Variants in TECPR1 observed in about 807,000 individuals in gnomAD.
TECPR1 encodes tectonin beta-propeller repeat-containing protein 1.
Under a neutral mutation model 162.4 loss-of-function variants are expected in TECPR1, and 122 were observed. That is an observed-to-expected ratio of 0.75 (90% CI 0.65 to 0.87). TECPR1 has a LOEUF of 0.87. Ranked by LOEUF, TECPR1 falls within the 40% of genes least tolerant of loss-of-function variation. The pLI is 0.00. For synonymous variants in TECPR1, 642 were observed against 670.6 expected (o/e 0.96, Z 0.66); for missense variants, 1,432 against 1,618.2 (o/e 0.88, Z 1.97).
In TECPR1 at chr7:98,217,495, C is replaced by T. The variant is rs1798041612; in HGVS notation, c.3393G>A (p.Trp1131Ter). The change falls in exon 26 of 26, where the codon TGG (tryptophan) becomes TGA (stop). Residue 1131 changes from tryptophan to a stop codon, truncating the protein, a stop_gained. Transcript: ENST00000447648. LOFTEE classifies it high-confidence loss of function. Reference protein sequence around the residue: ...HGWDYGIGGGWDHISVRANAT... With the variant: ...HGWDYGIGGG ...CATTGGCCCGGACAGAGATATGGTCCCAGCCTCCCTGGAAGGAGAGAGCTG... is the reference window on the plus strand; with the variant it reads ...CATTGGCCCGGACAGAGATATGGTCTCAGCCTCCCTGGAAGGAGAGAGCTG... 3.7e-6 allele frequency: 6 copies of T among 1,605,796 alleles called. No individual in the cohort carries two copies. In the East Asian group the frequency reaches 6.7e-5, roughly 18 times the overall value.
In TECPR1 at chr7:98,233,472, C is replaced by G; in HGVS notation, c.1621G>C (p.Gly541Arg). The G allele has an allele frequency of 7.4e-6, 11 of 1,482,180 alleles. No homozygotes were observed. Among genetic ancestry groups the G allele is most frequent in the Non-Finnish European group, 9.8e-6 (11 of 1,118,284 alleles). The allele number at this position is 1,482,180 out of a possible 1,614,324, so 91.8% of individuals were successfully genotyped here. The change falls in exon 11 of 26, where the codon GGC (glycine) becomes CGC (arginine). Residue 541 changes from glycine to arginine, a missense_variant. Coordinates refer to ENST00000447648, the MANE Select transcript of TECPR1 (RefSeq NM_015395.3). ...HPLWAWVSGG[G>R]CVVEACAMPR... ...ATGGCACATGCCTCCACCACGCAGCCGCCTCCCGACACCCAGGCCCACAGC... is the reference window on the plus strand; with the variant it reads ...ATGGCACATGCCTCCACCACGCAGCGGCCTCCCGACACCCAGGCCCACAGC...
chr7:98,248,893 C>CTT (rs1300292647), intron 2 of TECPR1, among the ~76,000 whole-genome samples: 29 of 139,644 alleles, frequency 2.1e-4, no homozygotes, highest in African/African-American at 4.2e-4. Flanking sequence ...CAAGGTGCAT[C>CTT]TTTTTTTTTT....
At chr7:98,245,141 C>T (rs1382727394) in intron 3 of TECPR1, 74 bp from the exon 4 acceptor site, 2 of 1,496,228 alleles carry the variant, frequency 1.3e-6, no homozygotes, top group South Asian at 2.4e-5. Flanking sequence ...CCAGGCATCT[C>T]CAGGACCAGC....
chr7:98,217,152 T>A lies in TECPR1; in HGVS notation c.*238A>T. On this transcript the variant is annotated 3_prime_UTR_variant, in exon 26 of 26. Transcript: ENST00000447648. ...CTCTGGGAGGTGCAGCCCCACCCCA[T>A]GCCCCACACCCCGGGACTCCTCGCA... The A allele has an allele frequency of 2.1e-6, 1 of 474,834 alleles. No homozygotes were observed. Among genetic ancestry groups the A allele is most frequent in the Non-Finnish European group, 3.7e-6 (1 of 267,896 alleles). The allele number at this position is 474,834 out of a possible 1,614,324, so 29.4% of individuals were successfully genotyped here.
chr7:98,232,016 G>T lies in TECPR1; in HGVS notation c.1819-57C>A. 6.5e-7 allele frequency: 1 copy of T among 1,539,286 alleles called. No individual in the cohort carries two copies. The highest frequency in any genetic ancestry group is 1.4e-5 in the African/African-American group (1 of 73,638). On this transcript the variant is annotated intron_variant, in intron 12 of 25. Transcript: ENST00000447648. This position sits in a 1 kb window ranked among gnomAD's most constrained non-coding sequence, Gnocchi z 4.6. The stretch of plus-strand genomic sequence containing the variant: ...AGGCAGGCCCGGGGTGCCAGGGGAG[G>T]AGGGCGGGGCTGGGGGTGCCCAGAG...
At chr7:98,217,607 A>T in intron 25 of TECPR1, 85 bp downstream of exon 25, 1 of 1,524,552 alleles carries the variant, frequency 6.6e-7, no homozygotes, top group Non-Finnish European at 8.8e-7. Context: ...GTCCCAGGGG[A>T]CAGTCCCACA....
chr7:98,222,786 C>T (rs531790061), intron 21 of TECPR1: 46 of 810,834 alleles, frequency 5.7e-5, no homozygotes, highest in South Asian at 2.3e-4. Flanking sequence ...GCCAAAGAGC[C>T]GCAGTGTCCC....
rs374604046 is a variant in TECPR1, at chr7:98,218,014, C to T, written c.3186G>A (p.Thr1062=). The T allele has an allele frequency of 6.0e-5, 94 of 1,567,790 alleles. No homozygotes were observed. The highest frequency in any genetic ancestry group is 5.2e-4 in the East Asian group (22 of 42,192). The change falls in exon 24 of 26, where the codon ACG becomes ACA. Residue 1062 remains threonine (T), a synonymous_variant. Transcript: ENST00000447648. ...AGCTGGAGCCCTGCGGGTAGCTGGG[C>T]GTGATCCCTTGGCGATACCACAGGT... ...NGNLWYRQGI[T]PSYPQGSSWE...
chr7:98,231,577 C>A, intron 13 of TECPR1: 1 of 647,410 alleles, frequency 1.5e-6, no homozygotes, highest in Non-Finnish European at 2.5e-6. Context: ...CCCTGGGCAC[C>A]CCCATTTCTG....
At chr7:98,249,254 G>C (rs1353083907) in intron 2 of TECPR1, among the ~76,000 whole-genome samples, 2 of 152,082 alleles carry the variant, frequency 1.3e-5, no homozygotes, top group Non-Finnish European at 2.9e-5. Flanking sequence ...GTGAGGAACA[G>C]GAAGACAGGA....
chr7:98,222,835 T>G, intron 21 of TECPR1, 155 bp downstream of exon 21: 4 of 1,034,926 alleles, frequency 3.9e-6, no homozygotes, highest in Non-Finnish European at 5.7e-6. Flanking sequence ...ACCCGCCTCA[T>G]TCCTGGGCCA....
Position 98,245,990 on chromosome 7 carries a change from G to T in TECPR1, c.157C>A (p.Gln53Lys). ...CTGGCACACACATACACGTAGACCT[G>T]GTTGTCACAGGCAATGCCCCAGCAG... ...QCCWGIACDN[Q>K]VYVYVCASDV... The change falls in exon 3 of 26, where the codon CAG (glutamine) becomes AAG (lysine). Residue 53 changes from glutamine to lysine, a missense_variant. Coordinates refer to ENST00000447648, the MANE Select transcript of TECPR1 (RefSeq NM_015395.3). 1.2e-6 allele frequency: 2 copies of T among 1,606,184 alleles called. No homozygotes were observed. Among genetic ancestry groups the T allele is most frequent in the Non-Finnish European group, 1.7e-6 (2 of 1,177,014 alleles).
intron 2 of TECPR1, among the ~76,000 whole-genome samples, chr7:98,246,856 T>C (rs1295463226): frequency 6.6e-6 from 1 of 152,050 alleles, no homozygotes; most frequent in Admixed American, 6.5e-5. Context: ...GTGTTGGGAT[T>C]AGAGGCATGA....
chr7:98,248,893 CTTT>C (rs1300292647), intron 2 of TECPR1, among the ~76,000 whole-genome samples: 10 of 139,622 alleles, frequency 7.2e-5, no homozygotes, highest in Non-Finnish European at 1.1e-4. Context: ...CAAGGTGCAT[CTTT>C]TTTTTTTTTT....
chr7:98,218,913 A>G (rs562386049), intron 23 of TECPR1, among the ~76,000 whole-genome samples: 1 of 152,362 alleles, frequency 6.6e-6, no homozygotes, highest in South Asian at 2.1e-4. Context: ...GGAACCCACA[A>G]AGAGCCTCAA....
At position 98,250,280 on chromosome 7, in the gene TECPR1, G is replaced by GT. The variant is rs536091836; in HGVS notation, c.-20+1113dup. Among the ~76,000 whole-genome samples, 388 of 146,938 alleles carry GT rather than the reference G, an allele frequency of 2.6e-3. 2 individuals carry two copies. Among genetic ancestry groups the GT allele is most frequent in the African/African-American group, 7.5e-3 (303 of 40,300 alleles). ...AATAAAATGCTAGGGGAAGACGAAG[G>GT]TTTTTTTTTTTAATTGTCACTTTCT... On this transcript the variant is annotated intron_variant, in intron 2 of 25. Transcript: ENST00000447648.
intron 13 of TECPR1, 84 bp downstream of exon 13, chr7:98,231,720 G>A: frequency 6.7e-7 from 1 of 1,500,552 alleles, no homozygotes; most frequent in Non-Finnish European, 9.0e-7. Context: ...CCTCCCCTGG[G>A]CACCCCCATT....
At position 98,231,292 on chromosome 7, in the gene TECPR1, G is replaced by T; in HGVS notation, c.2056C>A (p.Pro686Thr). The T allele has an allele frequency of 6.2e-7, 1 of 1,612,834 alleles. No individual in the cohort carries two copies. Among genetic ancestry groups the T allele is most frequent in the Non-Finnish European group, 8.5e-7 (1 of 1,179,546 alleles). ...ETKHSFALYTPERTRQRWPVR... is the reference protein window; with the variant it reads ...ETKHSFALYTTERTRQRWPVR... ...GGCCACCTCTGCCGTGTCCGCTCAGGGGTGTACAGGGCAAAGGAGTGCTTG... is the reference window on the plus strand; with the variant it reads ...GGCCACCTCTGCCGTGTCCGCTCAGTGGTGTACAGGGCAAAGGAGTGCTTG... The change falls in exon 14 of 26, where the codon CCT (proline) becomes ACT (threonine). Residue 686 changes from proline to threonine, a missense_variant. Pro to Thr is a conservative substitution (Grantham distance 38). Transcript: ENST00000447648.
At chr7:98,226,503 G>A (rs1373407465) in intron 17 of TECPR1, 10 of 1,023,996 alleles carry the variant, frequency 9.8e-6, no homozygotes, top group Non-Finnish European at 9.4e-6. Context: ...CCCCCAACAC[G>A]GACACACAGT....
Sources: allele counts gnomAD v4.1 joint callset (sites outside exome capture counted in the v4.1 genomes callset), GRCh38; gene constraint gnomAD v4.1.1; non-coding constraint Gnocchi (gnomAD v3.1); transcripts MANE v1.5; gene names NCBI Gene and HGNC (gene_info 2026-07-23, HGNC 2026-07-21).